Variants in RAET1L observed in about 807,000 individuals in gnomAD.
The protein encoded by RAET1L is retinoic acid early transcript 1L.
Under a neutral mutation model 23.9 loss-of-function variants are expected in RAET1L, and 16 were observed. That is an observed-to-expected ratio of 0.67 (90% confidence interval 0.45 to 1.02). RAET1L has a LOEUF of 1.02. Among genes scored for constraint, RAET1L ranks in the 50% least tolerant of loss-of-function variants. The pLI, the probability that RAET1L is intolerant of heterozygous loss-of-function variation, is 0.00. For synonymous variants in RAET1L, 70 were observed against 111.2 expected, an observed-to-expected ratio of 0.63 and a Z score of 2.33; for missense variants, 233 against 304.0, an observed-to-expected ratio of 0.77 and a Z score of 1.74.
At chr6:150,024,664 A>T (rs112162420) in intron 1 of RAET1L, among the ~76,000 whole-genome samples, 2,225 of 151,960 alleles carry the variant, frequency 0.015, 87 homozygotes, top group Admixed American at 0.073. Context: ...ACAGGTTCTG[A>T]GGGGAGCTTG....
chr6:150,024,268 C>T (rs988692938), intron 1 of RAET1L, among the ~76,000 whole-genome samples: 6 of 152,170 alleles, frequency 3.9e-5, no homozygotes, highest in Admixed American at 6.5e-5. Context: ...TTCCAACTGA[C>T]ATCAGAGACA....
chr6:150,025,203 G>A (rs1775871055), intron 1 of RAET1L, among the ~76,000 whole-genome samples, 184 bp downstream of exon 1: 1 of 152,220 alleles, frequency 6.6e-6, no homozygotes, highest in South Asian at 2.1e-4. Context: ...CCCCTACTGG[G>A]GCAAGAACAG....
chr6:150,019,028 G>T (rs1364868056), intron 4 of RAET1L, among the ~76,000 whole-genome samples, 173 bp from the exon 5 acceptor site: 1 of 152,134 alleles, frequency 6.6e-6, no homozygotes, highest in Non-Finnish European at 1.5e-5. Flanking sequence ...TTCCTCCTTT[G>T]TCACATCACA....
chr6:150,021,617 A>C (rs1779889984), intron 2 of RAET1L, among the ~76,000 whole-genome samples: 1 of 87,882 alleles, frequency 1.1e-5, no homozygotes, highest in Non-Finnish European at 2.4e-5. Context: ...TTTTTTTGAG[A>C]CAAAGTCTCA....
chr6:150,019,276 A>T (rs1033549710), intron 4 of RAET1L, among the ~76,000 whole-genome samples: 2 of 151,870 alleles, frequency 1.3e-5, no homozygotes, highest in African/African-American at 4.8e-5. Flanking sequence ...CTTGAGCATC[A>T]CCTCACACTG....
At chr6:150,020,444 AG>A (rs1318981495) in intron 3 of RAET1L, among the ~76,000 whole-genome samples, 1 of 152,044 alleles carries the variant, frequency 6.6e-6, no homozygotes, top group Admixed American at 6.6e-5. Flanking sequence ...ACAGCTGCTG[AG>A]GGAAGCAAGG....
chr6:150,019,119 T>G lies in RAET1L; in HGVS notation c.*23-264A>C, dbSNP rs189984730. On this transcript the variant is annotated intron_variant, in intron 4 of 4. Coordinates refer to ENST00000367341, the MANE Select transcript of RAET1L (RefSeq NM_130900.3). Reference sequence around the variant, plus strand: ...CTGAAGCTGGTAGTGATGGGTCCGCTCCCTCACTCAAGGCCCTCTTTATCA... The same window carrying G: ...CTGAAGCTGGTAGTGATGGGTCCGCGCCCTCACTCAAGGCCCTCTTTATCA... Among the ~76,000 whole-genome samples, 1,063 of 152,256 alleles carry G rather than the reference T, an allele frequency of 7.0e-3. 11 individuals carry two copies. Among genetic ancestry groups the G allele is most frequent in the African/African-American group, 0.024 (979 of 41,530 alleles).
In RAET1L at chr6:150,020,110, G is replaced by C; in HGVS notation, c.*20C>G. ...ACTTCCAATTCTGCCCACAGTACCT[G>C]TCACTCTAAAGGACTCTCCTCAGAT... On this transcript the variant is annotated splice_region_variant and 3_prime_UTR_variant, in exon 4 of 5. Transcript: ENST00000367341. 9.3e-7 allele frequency: 1 copy of C among 1,074,030 alleles called. No individual in the cohort carries two copies. The allele number at this position is 1,074,030 out of a possible 1,614,324, so 66.5% of individuals were successfully genotyped here.
intron 3 of RAET1L, 123 bp from the exon 4 acceptor site, chr6:150,020,362 G>A: frequency 1.9e-6 from 3 of 1,573,778 alleles, no homozygotes; most frequent in Middle Eastern, 1.7e-4. Context: ...CCCCCCTGGT[G>A]TGGGGCAGCC....
At chr6:150,022,697 G>A (rs1462586343) in intron 1 of RAET1L, among the ~76,000 whole-genome samples, 2 of 122,556 alleles carry the variant, frequency 1.6e-5, no homozygotes, top group African/African-American at 2.9e-5. Context: ...ATAAAGAAGA[G>A]TTAATTATCA....
chr6:150,022,529 A>G, intron 1 of RAET1L, among the ~76,000 whole-genome samples: 1 of 70,994 alleles, frequency 1.4e-5, no homozygotes, highest in Non-Finnish European at 4.0e-5. Flanking sequence ...CCTTGCTAGA[A>G]AGGTGCCAGG....
In RAET1L at chr6:150,021,760, T is replaced by A. The variant is rs139867833; in HGVS notation, c.349+220A>T. ...ACAGGCATGCGCCACCATGCCTGGC[T>A]AATTTTTGCATTTCGGTAGAGACAG... is the stretch of plus-strand genomic sequence containing the variant. On this transcript the variant is annotated intron_variant, in intron 2 of 4. Transcript: ENST00000367341. Among the ~76,000 whole-genome samples, 1,253 of 151,758 alleles carry A rather than the reference T, an allele frequency of 8.3e-3. 38 individuals are homozygous for A. The highest frequency in any genetic ancestry group is 0.029 in the African/African-American group (1,176 of 41,114).
chr6:150,018,411 A>T lies in RAET1L; in HGVS notation c.*467T>A, dbSNP rs912928649. 1 of 152,194 alleles carries T rather than the reference A, an allele frequency of 6.6e-6. No individual in the cohort carries two copies. Among genetic ancestry groups the T allele is most frequent in the Non-Finnish European group, 1.5e-5 (1 of 68,066 alleles). The allele number at this position is 152,194 out of a possible 1,614,324, so 9.4% of individuals were successfully genotyped here. A position where few individuals can be genotyped will look rare whatever the true frequency, so the allele number is the denominator to read the frequency against. The stretch of plus-strand genomic sequence containing the variant: ...CTAAAGGAAACAATCATTAATATAA[A>T]TTTTTTTCTTATTAAATAATTAAAC... On this transcript the variant is annotated 3_prime_UTR_variant, in exon 5 of 5. Transcript: ENST00000367341.
At position 150,018,666 on chromosome 6, in the gene RAET1L, T is replaced by C. The variant is rs1421969787; in HGVS notation, c.*212A>G. 1 of 154,914 alleles carries C rather than the reference T, an allele frequency of 6.5e-6. No individual in the cohort carries two copies. The highest frequency in any genetic ancestry group is 6.5e-5 in the Admixed American group (1 of 15,310). 9.6% of individuals were successfully genotyped at this position (154,914 alleles called of 1,614,324 possible). On this transcript the variant is annotated 3_prime_UTR_variant, in exon 5 of 5. Coordinates refer to ENST00000367341, the MANE Select transcript of RAET1L (RefSeq NM_130900.3). ...ACCAAGAGAAAATTGCATAATATGT[T>C]AGGAATAATCACTGGTTAAATTGTT...
intron 1 of RAET1L, among the ~76,000 whole-genome samples, chr6:150,023,507 T>A (rs1410495947): frequency 1.3e-5 from 2 of 152,150 alleles, no homozygotes; most frequent in Non-Finnish European, 2.9e-5. Context: ...TTATGGCCAA[T>A]AGAGTTTGCT....
intron 2 of RAET1L, 137 bp from the exon 3 acceptor site, chr6:150,021,323 C>T (rs1779885260): frequency 8.6e-7 from 1 of 1,160,616 alleles, no homozygotes; most frequent in Non-Finnish European, 1.2e-6. Context: ...GTAAGATGAC[C>T]TTCCCATTTG....
chr6:150,021,220 T>C, intron 2 of RAET1L, 34 bp from the exon 3 acceptor site: 1 of 1,583,834 alleles, frequency 6.3e-7, no homozygotes, highest in Non-Finnish European at 8.6e-7. Flanking sequence ...GCTCTGATCT[T>C]GACAAATTTT....
chr6:150,021,541 C>T (rs1263536641), intron 2 of RAET1L, among the ~76,000 whole-genome samples: 13 of 147,752 alleles, frequency 8.8e-5, no homozygotes, highest in Non-Finnish European at 1.5e-4. Flanking sequence ...CCTTGTGATC[C>T]GCCTACCTCA....
rs1241717219 is a variant in RAET1L, at chr6:150,018,429, A to C, written c.*449T>G. Reference sequence around the variant, plus strand: ...AATATAAATTTTTTTCTTATTAAATAATTAAACAATTCTCTTTCAGGACAT... The same window carrying C: ...AATATAAATTTTTTTCTTATTAAATCATTAAACAATTCTCTTTCAGGACAT... On this transcript the variant is annotated 3_prime_UTR_variant, in exon 5 of 5. Coordinates refer to ENST00000367341, the MANE Select transcript of RAET1L (RefSeq NM_130900.3). The C allele has an allele frequency of 1.3e-5, 2 of 152,244 alleles. No individual in the cohort carries two copies. Among genetic ancestry groups the C allele is most frequent in the Non-Finnish European group, 2.9e-5 (2 of 68,068 alleles). 9.4% of individuals were successfully genotyped at this position (152,244 alleles called of 1,614,324 possible). A position where few individuals can be genotyped will look rare whatever the true frequency, so the allele number is the denominator to read the frequency against.
Sources: allele counts gnomAD v4.1 joint callset (sites outside exome capture counted in the v4.1 genomes callset), GRCh38; gene constraint gnomAD v4.1.1; transcripts MANE v1.5; gene names NCBI Gene and HGNC (gene_info 2026-07-23, HGNC 2026-07-21).